LEPR: variants seen among roughly 807,000 people sequenced by gnomAD.
The protein encoded by LEPR is leptin receptor.
LEPR carries 56 observed loss-of-function variants against 114.7 expected under a neutral mutation model. That is an observed-to-expected ratio of 0.49 (90% CI 0.39 to 0.61). The LOEUF (loss-of-function observed/expected upper bound fraction) is 0.61, where lower values mean the gene tolerates loss of function less well. Among genes scored for constraint, LEPR ranks in the 20% least tolerant of loss-of-function variants. LEPR has a pLI of 0.00. For missense variants in LEPR, 1,202 were observed against 1,352.9 expected, an observed-to-expected ratio of 0.89 and a Z score of 1.75; for synonymous variants, 443 against 461.4, an observed-to-expected ratio of 0.96 and a Z score of 0.51.
At chr1:65,626,798 C>CA (rs1304054986) in intron 19 of LEPR, among the ~76,000 whole-genome samples, 1 of 152,042 alleles carries the variant, frequency 6.6e-6, no homozygotes, top group Non-Finnish European at 1.5e-5. Context: ...CGCGTGCCAC[C>CA]ACGCCCGGCT....
chr1:65,422,590 C>T (rs1485287246), intron 1 of LEPR, among the ~76,000 whole-genome samples: 1 of 152,196 alleles, frequency 6.6e-6, no homozygotes, highest in Admixed American at 6.5e-5. Context: ...ACAGAAGAGG[C>T]GATGCTTGAA....
chr1:65,506,833 A>G lies in LEPR; in HGVS notation c.-20-58713A>G, dbSNP rs571238922. On this transcript the variant is annotated intron_variant, in intron 2 of 19. Coordinates refer to ENST00000349533, the MANE Select transcript of LEPR (RefSeq NM_002303.6). ...AATCCTCTCTTAGAGATTTTGAAAT[A>G]TGCAATACATTATTATTGCAGTCAG... Among the ~76,000 whole-genome samples the G allele has an allele frequency of 1.1e-4, 16 of 152,260 alleles. No individual in the cohort carries two copies. The South Asian group carries it at 3.1e-3, about 30-fold the overall frequency.
At chr1:65,521,200 A>C (rs747363531) in intron 2 of LEPR, among the ~76,000 whole-genome samples, 25 of 152,240 alleles carry the variant, frequency 1.6e-4, no homozygotes, top group Non-Finnish European at 2.9e-4. Context: ...TTTTATTTTC[A>C]CATTGAAAAT....
Position 65,633,768 on chromosome 1 carries a change from T to A in LEPR, c.2674-2423T>A, listed in dbSNP as rs1658615235. 1 of 985,558 alleles carries A rather than the reference T, an allele frequency of 1.0e-6. No homozygotes were observed. The highest frequency in any genetic ancestry group is 1.2e-6 in the Non-Finnish European group (1 of 830,028). The allele number at this position is 985,558 out of a possible 1,614,324, so 61.1% of individuals were successfully genotyped here. On this transcript the variant is annotated intron_variant, in intron 19 of 19. Coordinates refer to ENST00000349533, the MANE Select transcript of LEPR (RefSeq NM_002303.6). The surrounding 1 kb of genome is among the most constrained non-coding windows in gnomAD (Gnocchi z 4.1). ...TCTAACTTTGTTCAATCTGGGAATT[T>A]CAGTTTTCAATATCCTTGAAAATGG...
chr1:65,585,613 A>G lies in LEPR; in HGVS notation c.495-7044A>G, dbSNP rs375496543. Reference sequence around the variant, plus strand: ...CTATTTTCACTTTCAAGTAAAGTTTATTTACATGTAGAGGTATTAAATAAA... The same window carrying G: ...CTATTTTCACTTTCAAGTAAAGTTTGTTTACATGTAGAGGTATTAAATAAA... On this transcript the variant is annotated intron_variant, in intron 5 of 19. Transcript: ENST00000349533. Among the ~76,000 whole-genome samples the G allele has an allele frequency of 9.9e-4, 150 of 152,148 alleles. 1 individual carries two copies. The highest frequency in any genetic ancestry group is 3.4e-3 in the African/African-American group (142 of 41,560).
At chr1:65,536,306 C>G (rs1019762110) in intron 2 of LEPR, among the ~76,000 whole-genome samples, 19 of 152,186 alleles carry the variant, frequency 1.2e-4, no homozygotes, top group Non-Finnish European at 2.6e-4. Flanking sequence ...GGCTTCCTTT[C>G]CCCTCTCCTT....
rs75634621 is a variant in LEPR at position 65,613,059 on chromosome 1, T to C, written c.1995+2763T>C. ...TACTTGAAGGTAGAGGACCTACATA[T>C]ATTATTTAGTGTTCTTCTGCATGGG... On this transcript the variant is annotated intron_variant, in intron 14 of 19. Coordinates refer to ENST00000349533, the MANE Select transcript of LEPR (RefSeq NM_002303.6). Among the ~76,000 whole-genome samples, 2,983 of 152,312 alleles carry C rather than the reference T, an allele frequency of 0.02. 151 individuals are homozygous for C. In the South Asian group the frequency reaches 0.2, roughly 10 times the overall value.
At chr1:65,468,062 C>T (rs1647037352) in intron 2 of LEPR, among the ~76,000 whole-genome samples, 1 of 152,164 alleles carries the variant, frequency 6.6e-6, no homozygotes, top group Non-Finnish European at 1.5e-5. Context: ...TCCAACCAGT[C>T]CCAATGAGAT....
chr1:65,428,631 C>T (rs1646425486), intron 2 of LEPR, among the ~76,000 whole-genome samples: 1 of 152,138 alleles, frequency 6.6e-6, no homozygotes, highest in African/African-American at 2.4e-5. Flanking sequence ...GGCTTCATCC[C>T]AACTCCTGCT....
chr1:65,532,620 G>T (rs1346449713), intron 2 of LEPR, among the ~76,000 whole-genome samples: 1 of 152,106 alleles, frequency 6.6e-6, no homozygotes, highest in Non-Finnish European at 1.5e-5. Flanking sequence ...ACAAACTGAG[G>T]TATATCCATA....
intron 2 of LEPR, among the ~76,000 whole-genome samples, chr1:65,466,923 C>T (rs1447907413): frequency 6.6e-6 from 1 of 152,138 alleles, no homozygotes; most frequent in East Asian, 1.9e-4. Flanking sequence ...GTTAGCCATT[C>T]ATTCTTCTCA....
At chr1:65,570,867 A>G in intron 4 of LEPR, 65 bp downstream of exon 4, 3 of 1,328,058 alleles carry the variant, frequency 2.3e-6, no homozygotes, top group Non-Finnish European at 3.0e-6. Context: ...ACCTGTATGA[A>G]ATAGATGTCT....
At chr1:65,461,217 C>T (rs907066254) in intron 2 of LEPR, among the ~76,000 whole-genome samples, 5 of 152,210 alleles carry the variant, frequency 3.3e-5, no homozygotes, top group South Asian at 2.1e-4. Context: ...TCAAGATATC[C>T]GCCTGCCTCG....
chr1:65,454,756 G>A lies in LEPR; in HGVS notation c.-21+29378G>A, dbSNP rs1391767289. 1.4e-4 allele frequency among the ~76,000 whole-genome samples: 21 copies of A among 152,098 alleles called. No individual in the cohort carries two copies. The East Asian group carries it at 3.7e-3, about 27-fold the overall frequency. ...CAACTTTGGTGAATCTGACAATTAT[G>A]TGTCTTGGAGTTGCTCTTCTCGAGG... On this transcript the variant is annotated intron_variant, in intron 2 of 19. Transcript: ENST00000349533.
intron 2 of LEPR, among the ~76,000 whole-genome samples, chr1:65,473,086 T>G (rs1014087354): frequency 6.6e-6 from 1 of 152,244 alleles, no homozygotes; most frequent in African/African-American, 2.4e-5. Context: ...GTTCTTTAGC[T>G]TCCACAAAAA....
chr1:65,498,637 A>G (rs1648288090), intron 2 of LEPR, among the ~76,000 whole-genome samples: 2 of 152,052 alleles, frequency 1.3e-5, no homozygotes, highest in Non-Finnish European at 2.9e-5. Flanking sequence ...CAGAAGAAGG[A>G]AAGGCATTTA....
chr1:65,514,337 C>A (rs947345905), intron 2 of LEPR, among the ~76,000 whole-genome samples: 1 of 151,974 alleles, frequency 6.6e-6, no homozygotes, highest in South Asian at 2.1e-4. Flanking sequence ...CAGTGAAGAG[C>A]CACCAACAGT....
intron 4 of LEPR, among the ~76,000 whole-genome samples, chr1:65,571,791 CAAAA>C (rs34139057): frequency 2.7e-5 from 2 of 73,690 alleles, no homozygotes; most frequent in Admixed American, 1.6e-4. Flanking sequence ...CCATCTCTAC[CAAAA>C]AAAAAAAAAA....
intron 2 of LEPR, chr1:65,493,825 C>A (rs895167706): frequency 6.6e-6 from 1 of 152,200 alleles, no homozygotes; most frequent in East Asian, 1.9e-4. Flanking sequence ...TTTGAATTGA[C>A]CCTGGCTTCC....
Sources: allele counts gnomAD v4.1 joint callset (sites outside exome capture counted in the v4.1 genomes callset), GRCh38; gene constraint gnomAD v4.1.1; non-coding constraint Gnocchi (gnomAD v3.1); transcripts MANE v1.5; gene names NCBI Gene and HGNC (gene_info 2026-07-23, HGNC 2026-07-21).